PTPRD: variants seen among roughly 807,000 people sequenced by gnomAD.
PTPRD encodes the protein receptor-type tyrosine-protein phosphatase delta.
Under a neutral mutation model 214.5 loss-of-function variants are expected in PTPRD, and 34 were observed. The observed-to-expected ratio is 0.16, with a 90% CI of 0.12 to 0.21. The LOEUF (loss-of-function observed/expected upper bound fraction) is 0.21. Among genes scored for constraint, PTPRD ranks in the 10% least tolerant of loss-of-function variants. The pLI is 1.00. For missense variants in PTPRD, 2,545 were observed against 2,398.7 expected (o/e 1.06, Z -1.27); for synonymous variants, 1,128 against 845.7 (o/e 1.33, Z -5.79).
chr9:9,620,417 G>C (rs1174930303), intron 7 of PTPRD, among the ~76,000 whole-genome samples: 2 of 152,046 alleles, frequency 1.3e-5, no homozygotes, highest in African/African-American at 2.4e-5. Flanking sequence ...TATCTTGGGA[G>C]GATTGTATTC....
rs576526327 is a variant in PTPRD, at chr9:9,914,427, C to A, written c.-368+24080G>T. 2.4e-4 allele frequency among the ~76,000 whole-genome samples: 37 copies of A among 152,268 alleles called. 2 individuals carry two copies. The South Asian group carries it at 7.5e-3, about 31-fold the overall frequency. ...CACCCCTAGTGGACATGCTGAGTAG[C>A]CGTGTAGCCACGTCAGGGGCCTAAG... On this transcript the variant is annotated intron_variant, in intron 5 of 45. Transcript: ENST00000381196.
At chr9:9,882,415 G>A (rs933788735) in intron 5 of PTPRD, among the ~76,000 whole-genome samples, 1 of 152,102 alleles carries the variant, frequency 6.6e-6, no homozygotes, top group African/African-American at 2.4e-5. Flanking sequence ...AAATGGTGAA[G>A]TTGGTTTCTT....
chr9:9,675,643 G>C (rs934149144), intron 7 of PTPRD, among the ~76,000 whole-genome samples: 3 of 151,688 alleles, frequency 2.0e-5, no homozygotes, highest in African/African-American at 7.3e-5. Flanking sequence ...AAAAAATAAA[G>C]TAATAAAATT....
chr9:8,685,977 C>G (rs889528482), intron 12 of PTPRD, among the ~76,000 whole-genome samples: 13 of 152,156 alleles, frequency 8.5e-5, no homozygotes, highest in African/African-American at 3.1e-4. Context: ...TTTTGAGAAA[C>G]ATCTGTCCAG....
chr9:8,779,556 G>A lies in PTPRD; in HGVS notation c.-103-45610C>T, dbSNP rs998783330. Reference sequence around the variant, plus strand: ...ACTGTCATACATATTATTACAACTAGGAATAACACTACCAAGGCCCACTCT... The same window carrying A: ...ACTGTCATACATATTATTACAACTAAGAATAACACTACCAAGGCCCACTCT... On this transcript the variant is annotated intron_variant, in intron 11 of 45. Coordinates refer to ENST00000381196, the MANE Select transcript of PTPRD (RefSeq NM_002839.4). Among the ~76,000 whole-genome samples, 5 of 152,064 alleles carry A rather than the reference G, an allele frequency of 3.3e-5. No individual in the cohort carries two copies. The South Asian group carries it at 1.0e-3, about 32-fold the overall frequency.
At chr9:10,126,439 A>G (rs1424693508) in intron 3 of PTPRD, among the ~76,000 whole-genome samples, 1 of 150,828 alleles carries the variant, frequency 6.6e-6, no homozygotes, top group Non-Finnish European at 1.5e-5. Context: ...ACACACACAC[A>G]CACACACACA....
At chr9:10,103,401 A>ATAT (rs1321996717) in intron 3 of PTPRD, among the ~76,000 whole-genome samples, 3 of 144,720 alleles carry the variant, frequency 2.1e-5, no homozygotes, top group East Asian at 2.1e-4. Flanking sequence ...ATATTTATTT[A>ATAT]AGAGCATTGC....
Position 8,734,391 on chromosome 9 carries a change from C to G in PTPRD, c.-103-445G>C, listed in dbSNP as rs544491914. 4.6e-5 allele frequency among the ~76,000 whole-genome samples: 7 copies of G among 152,368 alleles called. No individual in the cohort carries two copies. The East Asian group carries it at 1.3e-3, about 29-fold the overall frequency. ...TCTATTACTGACACAATAATGGAAG[C>G]TGCTTTTTTGGCATCAGTTGAAATG... is the stretch of plus-strand genomic sequence containing the variant. On this transcript the variant is annotated intron_variant, in intron 11 of 45. Coordinates refer to ENST00000381196, the MANE Select transcript of PTPRD (RefSeq NM_002839.4).
At chr9:8,669,846 C>T (rs1005603476) in intron 12 of PTPRD, among the ~76,000 whole-genome samples, 3 of 152,192 alleles carry the variant, frequency 2.0e-5, no homozygotes, top group East Asian at 3.9e-4. Context: ...AGGTTTGAAG[C>T]TAGAGAGTGA....
intron 3 of PTPRD, among the ~76,000 whole-genome samples, chr9:10,298,504 C>G (rs1596419113): frequency 6.6e-6 from 1 of 152,160 alleles, no homozygotes; most frequent in Non-Finnish European, 1.5e-5. Context: ...TCTTTTCATT[C>G]TGCTGATGCA....
chr9:9,065,320 A>G (rs1446460966), intron 10 of PTPRD, among the ~76,000 whole-genome samples: 2 of 151,130 alleles, frequency 1.3e-5, no homozygotes, highest in African/African-American at 4.9e-5. Flanking sequence ...GTAGAAATTG[A>G]TAAGGTTCCA....
chr9:8,838,411 C>G (rs982255902), intron 11 of PTPRD, among the ~76,000 whole-genome samples: 1 of 152,056 alleles, frequency 6.6e-6, no homozygotes, highest in Admixed American at 6.5e-5. Flanking sequence ...ATTCACAATA[C>G]ATTCCTCTTC....
chr9:8,855,112 G>C (rs539717054), intron 11 of PTPRD, among the ~76,000 whole-genome samples: 1 of 127,072 alleles, frequency 7.9e-6, no homozygotes, highest in Non-Finnish European at 1.6e-5. Context: ...CAAAAACTTG[G>C]GGGAATGCCT....
At chr9:9,923,210 G>C (rs989476356) in intron 5 of PTPRD, among the ~76,000 whole-genome samples, 3 of 149,804 alleles carry the variant, frequency 2.0e-5, no homozygotes, top group Non-Finnish European at 4.4e-5. Flanking sequence ...CTGGGTAAAA[G>C]ATAGTGAGGT....
chr9:10,303,053 C>A (rs2095916679), intron 3 of PTPRD, among the ~76,000 whole-genome samples: 1 of 151,964 alleles, frequency 6.6e-6, no homozygotes, highest in Admixed American at 6.5e-5. Context: ...GCAATCATAA[C>A]AAACAGTCTC....
intron 2 of PTPRD, among the ~76,000 whole-genome samples, chr9:10,551,507 TGAA>T (rs1347696592): frequency 6.6e-6 from 1 of 152,108 alleles, no homozygotes; most frequent in East Asian, 1.9e-4. Flanking sequence ...ATGAAGGTCC[TGAA>T]GAAGAAGGCC....
At chr9:8,704,561 A>C (rs984973536) in intron 12 of PTPRD, among the ~76,000 whole-genome samples, 1 of 152,178 alleles carries the variant, frequency 6.6e-6, no homozygotes, top group African/African-American at 2.4e-5. Context: ...TTAAAGGTTA[A>C]GTGAGGTGAT....
chr9:8,832,953 T>G (rs2154530191), intron 11 of PTPRD, among the ~76,000 whole-genome samples: 1 of 152,234 alleles, frequency 6.6e-6, no homozygotes, highest in East Asian at 1.9e-4. Flanking sequence ...TATCTACTCT[T>G]CATTACCTAG....
intron 3 of PTPRD, among the ~76,000 whole-genome samples, chr9:10,067,845 A>G (rs189667535): frequency 6.6e-5 from 10 of 152,034 alleles, no homozygotes; most frequent in Admixed American, 6.6e-4. Context: ...TCTCTGGATG[A>G]AAAAGCCTAG....
Sources: allele counts gnomAD v4.1 joint callset (sites outside exome capture counted in the v4.1 genomes callset), GRCh38; gene constraint gnomAD v4.1.1; transcripts MANE v1.5; gene names NCBI Gene and HGNC (gene_info 2026-07-23, HGNC 2026-07-21).